WDR43: variants seen among roughly 807,000 people sequenced by gnomAD.
The protein encoded by WDR43 is WD repeat-containing protein 43.
Under a neutral mutation model 91.4 loss-of-function variants are expected in WDR43, and 13 were observed. That is an observed-to-expected ratio of 0.14 (90% CI 0.09 to 0.23). WDR43 has a LOEUF of 0.23. Among genes scored for constraint, WDR43 ranks in the 10% least tolerant of loss-of-function variants. The pLI is 1.00. For missense variants in WDR43, 780 were observed against 809.4 expected, an observed-to-expected ratio of 0.96 and a Z score of 0.44; for synonymous variants, 331 against 287.9, an observed-to-expected ratio of 1.15 and a Z score of -1.51.
At chr2:28,926,675 C>G in intron 9 of WDR43, 121 bp downstream of exon 9, 1 of 874,732 alleles carries the variant, frequency 1.1e-6, no homozygotes. Flanking sequence ...ATTCTCTTGT[C>G]TTATAAATTT....
intron 11 of WDR43, among the ~76,000 whole-genome samples, chr2:28,933,929 T>G (rs1356782998): frequency 6.6e-6 from 1 of 152,160 alleles, no homozygotes; most frequent in Admixed American, 6.5e-5. Context: ...AACAATTAGT[T>G]TATTAAAAAT....
intron 16 of WDR43, among the ~76,000 whole-genome samples, chr2:28,942,604 T>C (rs1572605578): frequency 1.3e-4 from 2 of 14,984 alleles, no homozygotes; most frequent in Non-Finnish European, 4.1e-4. Flanking sequence ...TTATGGAAGA[T>C]TTTTTTTTTC....
At chr2:28,904,489 T>G (rs1358492393) in intron 2 of WDR43, among the ~76,000 whole-genome samples, 4 of 152,252 alleles carry the variant, frequency 2.6e-5, no homozygotes, top group Non-Finnish European at 5.9e-5. Context: ...TATGCTAGTT[T>G]ACACTGCTGC....
chr2:28,936,810 A>G, intron 12 of WDR43, 112 bp from the exon 13 acceptor site: 2 of 1,000,862 alleles, frequency 2.0e-6, no homozygotes, highest in South Asian at 2.9e-5. Context: ...GCGGTTTAAA[A>G]TAGACTACTT....
chr2:28,935,310 C>A (rs535038609), intron 11 of WDR43, among the ~76,000 whole-genome samples: 2 of 150,940 alleles, frequency 1.3e-5, no homozygotes, highest in South Asian at 4.2e-4. Flanking sequence ...TTTACTGATA[C>A]CCAAAGACTG....
chr2:28,929,079 T>C (rs891328241), intron 10 of WDR43, among the ~76,000 whole-genome samples: 4 of 152,246 alleles, frequency 2.6e-5, no homozygotes, highest in African/African-American at 9.6e-5. Flanking sequence ...ATATTCTAGC[T>C]AATAAATCAT....
intron 6 of WDR43, among the ~76,000 whole-genome samples, chr2:28,921,391 G>A (rs894693393): frequency 1.3e-5 from 2 of 152,162 alleles, no homozygotes; most frequent in Non-Finnish European, 1.5e-5. Context: ...CTCCCAAAGT[G>A]CTGGGTTTAC....
intron 11 of WDR43, 25 bp from the exon 12 acceptor site, chr2:28,935,496 T>A: frequency 2.0e-6 from 3 of 1,527,234 alleles, no homozygotes; most frequent in Non-Finnish European, 2.7e-6. Context: ...ATGCTCATCT[T>A]AATAATCCTT....
At chr2:28,926,353 A>C (rs1671140050) in intron 8 of WDR43, 115 bp from the exon 9 acceptor site, 2 of 755,486 alleles carry the variant, frequency 2.6e-6, no homozygotes. Context: ...TATTTTATAA[A>C]AATGCACAAG....
intron 5 of WDR43, among the ~76,000 whole-genome samples, chr2:28,915,153 T>C (rs1670882267): frequency 6.6e-6 from 1 of 152,168 alleles, no homozygotes; most frequent in African/African-American, 2.4e-5. Flanking sequence ...ACTCATCCAA[T>C]ATGTATTCCT....
At chr2:28,924,098 A>G (rs1419488415) in intron 7 of WDR43, among the ~76,000 whole-genome samples, 1 of 152,186 alleles carries the variant, frequency 6.6e-6, no homozygotes, top group African/African-American at 2.4e-5. Flanking sequence ...CTTGTGGAGA[A>G]TAAGTGGTAA....
chr2:28,929,531 CT>C lies in WDR43; in HGVS notation c.1306-45del, dbSNP rs759334035. ...TTTTATTTTTTTTGTCTCCAAACTA[CT>C]TTAAGTCTTGTCTGGTAACACATTA... On this transcript the variant is annotated intron_variant, in intron 10 of 17. Coordinates refer to ENST00000407426, the MANE Select transcript of WDR43 (RefSeq NM_015131.3). The C allele has an allele frequency of 1.1e-5, 16 of 1,467,054 alleles. No homozygotes were observed. The South Asian group carries it at 2.3e-4, about 21-fold the overall frequency. 90.9% of individuals were successfully genotyped at this position (1,467,054 alleles called of 1,614,324 possible). A position where few individuals can be genotyped will look rare whatever the true frequency, so the allele number is the denominator to read the frequency against.
Position 28,918,321 on chromosome 2 carries a change from G to GGTGTGT in WDR43, c.849+345_849+350dup, listed in dbSNP as rs10578792. Among the ~76,000 whole-genome samples the GGTGTGT allele has an allele frequency of 2.3e-3, 347 of 150,698 alleles. 3 individuals are homozygous for GGTGTGT. Among genetic ancestry groups the GGTGTGT allele is most frequent in the African/African-American group, 8.1e-3 (332 of 41,064 alleles). On this transcript the variant is annotated intron_variant, in intron 6 of 17. Transcript: ENST00000407426. ...ATTGTTGGTGATAGCTCCTAACTAAGGTGTGTGTGTGTGTGTGTGTGTGTA... is the reference window on the plus strand; with the variant it reads ...ATTGTTGGTGATAGCTCCTAACTAAGGTGTGTGTGTGTGTGTGTGTGTGTGTGTGTA...
intron 8 of WDR43, among the ~76,000 whole-genome samples, chr2:28,925,804 TAAAA>T (rs902047021): frequency 3.9e-5 from 6 of 152,204 alleles, no homozygotes; most frequent in Admixed American, 2.6e-4. Context: ...ATTAAAAAAA[TAAAA>T]AAAGGAGAAA....
At chr2:28,909,763 A>G (rs1007508032) in intron 3 of WDR43, among the ~76,000 whole-genome samples, 5 of 152,066 alleles carry the variant, frequency 3.3e-5, no homozygotes, top group African/African-American at 1.2e-4. Context: ...AGTCCCAGCC[A>G]CCTGAGAGGC....
chr2:28,945,315 G>A (rs1172025385), intron 16 of WDR43, among the ~76,000 whole-genome samples: 2 of 152,206 alleles, frequency 1.3e-5, no homozygotes, highest in African/African-American at 4.8e-5. Flanking sequence ...TTTATCCAAT[G>A]CCCAGTTTAT....
chr2:28,910,284 G>A lies in WDR43; in HGVS notation c.486-2306G>A, dbSNP rs113924301. 2.4e-4 allele frequency among the ~76,000 whole-genome samples: 37 copies of A among 152,322 alleles called. 1 individual carries two copies. The highest frequency in any genetic ancestry group is 8.9e-4 in the African/African-American group (37 of 41,574). ...GAAGCTTATCAGCCTCGTCTAGGCA[G>A]GATGGCGATTGTGTCTTTTATATAT... On this transcript the variant is annotated intron_variant, in intron 3 of 17. Coordinates refer to ENST00000407426, the MANE Select transcript of WDR43 (RefSeq NM_015131.3).
chr2:28,910,269 A>AG (rs1320470048), intron 3 of WDR43, among the ~76,000 whole-genome samples: 2 of 152,222 alleles, frequency 1.3e-5, no homozygotes, highest in Non-Finnish European at 2.9e-5. Context: ...GAAGCTTATC[A>AG]GCCTCGTCTA....
At chr2:28,913,955 G>A (rs764340129) in intron 4 of WDR43, 114 bp from the exon 5 acceptor site, 43 of 1,203,208 alleles carry the variant, frequency 3.6e-5, no homozygotes, top group Non-Finnish European at 4.3e-5. Context: ...TTACTTCATC[G>A]TGGAGCTCTC....
Sources: gnomAD v4.1 joint callset for allele counts (sites outside exome capture counted in the v4.1 genomes callset) on GRCh38, gnomAD v4.1.1 for gene constraint, MANE v1.5 for transcripts, NCBI Gene and HGNC (gene_info 2026-07-23, HGNC 2026-07-21) for gene names.